The following TDRD12 variants were observed in gnomAD, a reference collection of about 807,000 sequenced individuals.
TDRD12 encodes tudor domain containing 12.
Under a neutral mutation model 133.5 loss-of-function variants are expected in TDRD12, and 158 were observed. The observed-to-expected ratio is 1.18, with a 90% CI of 1.04 to 1.35. TDRD12 has a LOEUF of 1.35. Among genes scored for constraint, TDRD12 ranks in the 40% most tolerant of loss-of-function variants. The pLI, the probability that TDRD12 is intolerant of heterozygous loss-of-function variation, is 0.00. For missense variants in TDRD12, 1,443 were observed against 1,321.3 expected (o/e 1.09, Z -1.43); for synonymous variants, 460 against 477.9 (o/e 0.96, Z 0.49).
intron 8 of TDRD12, among the ~76,000 whole-genome samples, chr19:32,765,775 A>G (rs1290465297): frequency 6.6e-6 from 1 of 151,986 alleles, no homozygotes; most frequent in Non-Finnish European, 1.5e-5. Flanking sequence ...ACATTAGGAG[A>G]TATACCTAAT....
At chr19:32,768,562 A>T (rs2145587001) in intron 8 of TDRD12, among the ~76,000 whole-genome samples, 1 of 152,002 alleles carries the variant, frequency 6.6e-6, no homozygotes, top group East Asian at 1.9e-4. Flanking sequence ...ACAGGTTTTC[A>T]TTATGTTGGT....
intron 6 of TDRD12, among the ~76,000 whole-genome samples, chr19:32,750,945 T>C (rs1969806728): frequency 6.6e-6 from 1 of 152,186 alleles, no homozygotes; most frequent in Admixed American, 6.5e-5. Context: ...ATGTGAATGG[T>C]TTTTTTCCTT....
downstream of TDRD12, among the ~76,000 whole-genome samples, chr19:32,825,472 A>G (rs1016673212): frequency 4.6e-5 from 7 of 152,200 alleles, no homozygotes; most frequent in Non-Finnish European, 1.0e-4. The surrounding 1 kb of genome is among the most constrained non-coding windows in gnomAD (Gnocchi z 4.1). Flanking sequence ...AGCTCCAGAG[A>G]AGCCTGCATG....
intron 4 of TDRD12, among the ~76,000 whole-genome samples, chr19:32,743,224 C>G (rs1038960466): frequency 6.6e-6 from 1 of 152,250 alleles, no homozygotes. Context: ...CCCTTTTGCC[C>G]GGGCTGTAGT....
chr19:32,729,791 T>TC (rs1243827027), intron 1 of TDRD12, among the ~76,000 whole-genome samples: 2 of 122,714 alleles, frequency 1.6e-5, no homozygotes, highest in African/African-American at 3.5e-5. Flanking sequence ...TTTTTTTTTT[T>TC]TTTTTTTTTT....
At chr19:32,755,620 G>C (rs764686314) in intron 6 of TDRD12, among the ~76,000 whole-genome samples, 27 of 152,200 alleles carry the variant, frequency 1.8e-4, no homozygotes, top group Non-Finnish European at 3.4e-4. Context: ...TGCCTCATCT[G>C]TTTATTCTCT....
At chr19:32,820,946 T>C (rs766251358) in intron 27 of TDRD12, 87 bp from the exon 28 acceptor site, 1 of 1,110,060 alleles carries the variant, frequency 9.0e-7, no homozygotes, top group South Asian at 1.4e-5. Context: ...CCACAGGCAC[T>C]TCACGGTCAT....
chr19:32,809,985 G>A, intron 22 of TDRD12, 108 bp from the exon 23 acceptor site: 5 of 674,152 alleles, frequency 7.4e-6, no homozygotes, highest in Non-Finnish European at 1.1e-5. Context: ...ACGTTGCTAA[G>A]CTTTGGTTTC....
At chr19:32,789,245 GTT>G (rs1195448670) in intron 11 of TDRD12, among the ~76,000 whole-genome samples, 1 of 152,190 alleles carries the variant, frequency 6.6e-6, no homozygotes, top group East Asian at 1.9e-4. Flanking sequence ...GCTGTTACCA[GTT>G]TGTCCATCTG....
intron 2 of TDRD12, among the ~76,000 whole-genome samples, chr19:32,732,771 T>C (rs534848571): frequency 6.6e-6 from 1 of 152,374 alleles, no homozygotes; most frequent in Admixed American, 6.5e-5. Flanking sequence ...ATTAATAACA[T>C]AATTTATTTT....
intron 6 of TDRD12, 138 bp from the exon 7 acceptor site, chr19:32,755,854 A>C (rs1969976575): frequency 1.6e-6 from 1 of 631,200 alleles, no homozygotes. Flanking sequence ...AGCAGGAGTC[A>C]AATCTGTTTC....
intron 4 of TDRD12, among the ~76,000 whole-genome samples, chr19:32,747,431 A>G (rs1192675089): frequency 2.0e-5 from 3 of 152,204 alleles, no homozygotes; most frequent in Non-Finnish European, 4.4e-5. Flanking sequence ...GCACTGGGCT[A>G]AGTGTTCTAT....
At chr19:32,727,653 C>G (rs551036245) in intron 1 of TDRD12, among the ~76,000 whole-genome samples, 1 of 151,950 alleles carries the variant, frequency 6.6e-6, no homozygotes, top group African/African-American at 2.4e-5. Flanking sequence ...CAAATTTATT[C>G]TTTCATTTTT....
chr19:32,817,502 C>G (rs1478141878), intron 26 of TDRD12, among the ~76,000 whole-genome samples: 1 of 152,100 alleles, frequency 6.6e-6, no homozygotes, highest in Non-Finnish European at 1.5e-5. Context: ...CTTCTCCATT[C>G]ATCTTCCTGC....
rs1435376139 is a variant in TDRD12, at chr19:32,813,781, G to A, written c.3141+5G>A. 3 of 1,503,080 alleles carry A rather than the reference G, an allele frequency of 2.0e-6. No individual in the cohort carries two copies. Among genetic ancestry groups the A allele is most frequent in the Non-Finnish European group, 2.7e-6 (3 of 1,122,182 alleles). The allele number at this position is 1,503,080 out of a possible 1,614,324, so 93.1% of individuals were successfully genotyped here. ...ACAGTTTGGATTGATCCAATGGTAAGTACGCATTTTTTCTTAGAAATAAAT... is the reference window on the plus strand; with the variant it reads ...ACAGTTTGGATTGATCCAATGGTAAATACGCATTTTTTCTTAGAAATAAAT... On this transcript the variant is annotated splice_donor_5th_base_variant and intron_variant, in intron 25 of 27. Coordinates refer to ENST00000444215, the Ensembl canonical transcript of TDRD12.
intron 15 of TDRD12, 69 bp downstream of exon 15, chr19:32,797,960 G>T (rs1971279249): frequency 3.3e-6 from 2 of 612,298 alleles, no homozygotes; most frequent in Non-Finnish European, 2.9e-6. Flanking sequence ...ACAGAAGACA[G>T]TGGAGCCTGG....
intron 26 of TDRD12, among the ~76,000 whole-genome samples, chr19:32,817,544 G>C (rs959002515): frequency 6.6e-6 from 1 of 151,990 alleles, no homozygotes; most frequent in Non-Finnish European, 1.5e-5. Flanking sequence ...TCTTGACTGT[G>C]GTGAGTGTGC....
chr19:32,795,548 G>T (rs983596072), intron 14 of TDRD12, among the ~76,000 whole-genome samples: 1 of 152,096 alleles, frequency 6.6e-6, no homozygotes, highest in Non-Finnish European at 1.5e-5. Flanking sequence ...CTGAGCTTCT[G>T]CTGCCTTGTC....
intron 1 of TDRD12, among the ~76,000 whole-genome samples, chr19:32,729,778 CTT>C (rs1162347194): frequency 7.5e-4 from 55 of 73,660 alleles, no homozygotes; most frequent in African/African-American, 2.0e-3. Flanking sequence ...TTTTCTTTTT[CTT>C]TTTTTTTTTT....
Sources: allele counts gnomAD v4.1 joint callset (sites outside exome capture counted in the v4.1 genomes callset), GRCh38; gene constraint gnomAD v4.1.1; non-coding constraint Gnocchi (gnomAD v3.1); transcripts MANE v1.5; gene names NCBI Gene and HGNC (gene_info 2026-07-23, HGNC 2026-07-21).